GRID2: variants seen among roughly 807,000 people sequenced by gnomAD.
GRID2 encodes glutamate ionotropic receptor delta type subunit 2, also known as glutamate receptor ionotropic, delta-2.
Under a neutral mutation model 114.8 loss-of-function variants are expected in GRID2, and 33 were observed. The ratio of observed to expected loss-of-function variants is 0.29; its 90% CI spans 0.22 to 0.38. The LOEUF is 0.38. Ranked by LOEUF, GRID2 falls within the 10% of genes least tolerant of loss-of-function variation. The pLI is 1.00. For synonymous variants in GRID2, 505 were observed against 449.9 expected (o/e 1.12, Z -1.55); for missense variants, 1,184 against 1,257.7 (o/e 0.94, Z 0.89).
intron 11 of GRID2, among the ~76,000 whole-genome samples, chr4:93,469,685 G>T (rs75725093): frequency 0.017 from 2,605 of 152,138 alleles, 63 homozygotes; most frequent in African/African-American, 0.06. Context: ...AGATTAAATA[G>T]ACACTAGGTT....
At chr4:93,748,755 A>G (rs1212414965) in intron 14 of GRID2, among the ~76,000 whole-genome samples, 1 of 152,140 alleles carries the variant, frequency 6.6e-6, no homozygotes, top group Non-Finnish European at 1.5e-5. Context: ...GTCTGGCATG[A>G]TATGAAGCCT....
chr4:92,681,914 A>C (rs1733669086), intron 2 of GRID2, among the ~76,000 whole-genome samples: 1 of 152,158 alleles, frequency 6.6e-6, no homozygotes, highest in Admixed American at 6.5e-5. Flanking sequence ...AAAAAAAAGA[A>C]GGTAGCTTCA....
intron 2 of GRID2, among the ~76,000 whole-genome samples, chr4:92,926,776 C>A (rs952017723): frequency 1.3e-4 from 20 of 151,902 alleles, no homozygotes; most frequent in African/African-American, 4.8e-4. Flanking sequence ...TGAGAGACCA[C>A]ACCTGGTGAG....
chr4:93,021,032 C>CAA (rs1204464402), intron 2 of GRID2, among the ~76,000 whole-genome samples: 2 of 105,032 alleles, frequency 1.9e-5, no homozygotes, highest in Non-Finnish European at 2.0e-5. Context: ...GAATTTGTCT[C>CAA]AAAAAAAAAA....
intron 2 of GRID2, among the ~76,000 whole-genome samples, chr4:92,959,586 C>A (rs1410956668): frequency 2.0e-5 from 3 of 152,004 alleles, no homozygotes; most frequent in Non-Finnish European, 4.4e-5. Context: ...TTCACAATAG[C>A]AAAGACTTGG....
At chr4:92,964,548 T>C (rs2149160923) in intron 2 of GRID2, among the ~76,000 whole-genome samples, 1 of 152,038 alleles carries the variant, frequency 6.6e-6, no homozygotes, top group African/African-American at 2.4e-5. Context: ...TTAAAGTAAA[T>C]TAAAAAATAA....
chr4:93,076,752 G>T (rs1019680374), intron 2 of GRID2, among the ~76,000 whole-genome samples: 1 of 151,232 alleles, frequency 6.6e-6, no homozygotes, highest in Non-Finnish European at 1.5e-5. Flanking sequence ...CAAGTAGCTG[G>T]GATTACAGGC....
chr4:92,463,492 A>G (rs1332630548), intron 1 of GRID2, among the ~76,000 whole-genome samples: 4 of 151,326 alleles, frequency 2.6e-5, no homozygotes, highest in Admixed American at 6.6e-5. Flanking sequence ...TAAACTCAAA[A>G]CTCCACTGTC....
At chr4:92,502,507 A>C (rs1398246872) in intron 1 of GRID2, among the ~76,000 whole-genome samples, 3 of 152,098 alleles carry the variant, frequency 2.0e-5, no homozygotes, top group Non-Finnish European at 2.9e-5. Flanking sequence ...TACATGATAC[A>C]TTAGAAAGAA....
chr4:92,843,829 G>A (rs1344449675), intron 2 of GRID2, among the ~76,000 whole-genome samples: 2 of 151,998 alleles, frequency 1.3e-5, no homozygotes, highest in Non-Finnish European at 2.9e-5. Flanking sequence ...TGTAGAATCT[G>A]AAATCATATC....
At chr4:92,372,415 C>T (rs1729160232) in intron 1 of GRID2, among the ~76,000 whole-genome samples, 3 of 152,278 alleles carry the variant, frequency 2.0e-5, no homozygotes, top group African/African-American at 7.2e-5. Context: ...GCAACGGGCA[C>T]CCTGATCAAT....
chr4:93,434,698 T>A (rs1720902855), intron 10 of GRID2, among the ~76,000 whole-genome samples: 1 of 152,182 alleles, frequency 6.6e-6, no homozygotes, highest in South Asian at 2.1e-4. Context: ...CTTCAATATA[T>A]TTTAACACAG....
In GRID2 at chr4:93,422,904, A is replaced by T. The variant is rs148874255; in HGVS notation, c.1481A>T (p.His494Leu). ...TACGAAATTTACGTAGCACCGGATC[A>T]CAAATACGGAAGCCCACAAGAAGAT... Reference protein sequence around the residue: ...FNYEIYVAPDHKYGSPQEDGT... With the variant: ...FNYEIYVAPDLKYGSPQEDGT... The change falls in exon 10 of 16, where the codon CAC (histidine) becomes CTC (leucine). Residue 494 changes from histidine to leucine, a missense_variant. By Grantham distance (99) the His-to-Leu change is moderately conservative. This residue lies in a region of GRID2 where 717 missense variants were observed against 796.9 expected (regional missense o/e 0.90). Transcript: ENST00000282020. The T allele has an allele frequency of 1.2e-6, 2 of 1,613,760 alleles. No homozygotes were observed. Among genetic ancestry groups the T allele is most frequent in the African/African-American group, 2.7e-5 (2 of 74,930 alleles).
intron 13 of GRID2, among the ~76,000 whole-genome samples, chr4:93,590,536 G>A (rs919417912): frequency 1.2e-4 from 18 of 151,376 alleles, no homozygotes; most frequent in African/African-American, 2.4e-4. Flanking sequence ...TTGGCGATGC[G>A]GGCTCTTTTT....
At chr4:92,616,774 T>C (rs1197203972) in intron 2 of GRID2, among the ~76,000 whole-genome samples, 1 of 151,624 alleles carries the variant, frequency 6.6e-6, no homozygotes, top group African/African-American at 2.4e-5. Flanking sequence ...TTAGATAATA[T>C]ATTATAGCAT....
chr4:93,516,505 T>A (rs566086228), intron 13 of GRID2, among the ~76,000 whole-genome samples: 1 of 152,250 alleles, frequency 6.6e-6, no homozygotes, highest in Admixed American at 6.6e-5. Flanking sequence ...GTGAATGTCC[T>A]GGAGATGTTA....
chr4:92,887,810 T>C (rs973336740), intron 2 of GRID2, among the ~76,000 whole-genome samples: 1 of 152,232 alleles, frequency 6.6e-6, no homozygotes, highest in African/African-American at 2.4e-5. Context: ...TTTCTTAAAA[T>C]CTGATTCTGT....
intron 2 of GRID2, among the ~76,000 whole-genome samples, chr4:92,920,033 G>A (rs1337801052): frequency 1.3e-5 from 2 of 152,174 alleles, no homozygotes; most frequent in Non-Finnish European, 2.9e-5. Context: ...GGGTGCTCCT[G>A]TATTGGGTGC....
intron 8 of GRID2, among the ~76,000 whole-genome samples, chr4:93,342,846 C>T (rs968202541): frequency 7.2e-5 from 11 of 152,044 alleles, no homozygotes; most frequent in African/African-American, 2.4e-4. Flanking sequence ...TTTTTTCAGG[C>T]TGACCTTGCT....
Sources: allele counts gnomAD v4.1 joint callset (sites outside exome capture counted in the v4.1 genomes callset), GRCh38; gene constraint gnomAD v4.1.1; regional missense constraint gnomAD v4.1.1; transcripts MANE v1.5; gene names NCBI Gene and HGNC (gene_info 2026-07-23, HGNC 2026-07-21).